The following CHM variants were observed in gnomAD, a reference collection of about 807,000 sequenced individuals.
CHM encodes the protein CHM Rab escort protein.
In CHM, 10 loss-of-function variants were observed where a neutral mutation model predicts 49.0. The observed-to-expected ratio is 0.20, with a 90% CI of 0.13 to 0.35. CHM has a LOEUF of 0.35. CHM is among the 10% of genes least tolerant of loss of function. The pLI is 1.00. For synonymous variants in CHM, 184 were observed against 167.5 expected (o/e 1.10, Z -0.76); for missense variants, 455 against 478.4 (o/e 0.95, Z 0.46).
chrX:85,955,036 A>C (rs988323870), intron 8 of CHM, among the ~76,000 whole-genome samples: 2 of 111,825 alleles, frequency 1.8e-5, no homozygotes, highest in African/African-American at 3.2e-5. Flanking sequence ...TGCGGGAGCT[A>C]AAAATTAAAA....
chrX:85,870,313 C>T (rs1476566506), intron 14 of CHM, among the ~76,000 whole-genome samples: 1 of 111,927 alleles, frequency 8.9e-6, no homozygotes, highest in Non-Finnish European at 1.9e-5. Flanking sequence ...AAATTGCTCG[C>T]TCTCTCTCAA....
In CHM at chrX:85,951,219, A is replaced by G. The variant is rs182838169; in HGVS notation, c.1166+4934T>C. 7.2e-5 allele frequency among the ~76,000 whole-genome samples: 8 copies of G among 111,764 alleles called. No individual in the cohort carries two copies. In the East Asian group the frequency reaches 2.0e-3, roughly 28 times the overall value. On this transcript the variant is annotated intron_variant, in intron 8 of 14. Transcript: ENST00000357749. ...TTGCCAAGGGCAGGGGAGGGGAGAG[A>G]TGATCTAAATATAATCCAGAGAAAG...
chrX:85,959,237 CTTTG>C (rs1930167702), intron 5 of CHM, among the ~76,000 whole-genome samples: 1 of 111,657 alleles, frequency 9.0e-6, no homozygotes, highest in African/African-American at 3.3e-5. Flanking sequence ...GGCACTCTGG[CTTTG>C]TTTGTCCAAA....
Position 85,912,390 on chromosome X carries a change from C to A in CHM, c.1167-1052G>T, listed in dbSNP as rs947625532. Among the ~76,000 whole-genome samples, 7 of 111,348 alleles carry A rather than the reference C, an allele frequency of 6.3e-5. No homozygotes were observed. In the East Asian group the frequency reaches 2.0e-3, roughly 31 times the overall value. On this transcript the variant is annotated intron_variant, in intron 8 of 14. Transcript: ENST00000357749. ...TTATACAACACATGAGGAAACACAT[C>A]TTACTTTGAGTGAGCAGACAAAAGA...
intron 2 of CHM, among the ~76,000 whole-genome samples, chrX:85,998,359 C>T (rs1440374784): frequency 9.0e-6 from 1 of 111,322 alleles, no homozygotes; most frequent in Non-Finnish European, 1.9e-5. Flanking sequence ...GTCCCCCAGA[C>T]AGAACATAAA....
At chrX:85,912,583 C>T (rs1157608114) in intron 8 of CHM, among the ~76,000 whole-genome samples, 2 of 111,661 alleles carry the variant, frequency 1.8e-5, no homozygotes, top group Non-Finnish European at 3.8e-5. Context: ...CATTAAGATG[C>T]TCACATTTTA....
Position 85,963,807 on chromosome X carries a change from C to A in CHM, c.560G>T (p.Cys187Phe). 8.3e-7 allele frequency: 1 copy of A among 1,211,774 alleles called. No homozygotes were observed. Among genetic ancestry groups the A allele is most frequent in the Non-Finnish European group, 1.1e-6 (1 of 895,526 alleles). ...GTCTTCTGCTGAAGTTGATGGCACA[C>A]AAGTTTTATCATCACAATGGTTTTC... ...EKENHCDDKT[C>F]VPSTSAEDMS... Residue 187 changes from cysteine to phenylalanine, a missense_variant, in exon 5 of 15, where the codon TGT (cysteine) becomes TTT (phenylalanine). Transcript: ENST00000357749.
At chrX:85,923,703 C>T (rs1253095592) in intron 8 of CHM, among the ~76,000 whole-genome samples, 2 of 111,202 alleles carry the variant, frequency 1.8e-5, no homozygotes, top group South Asian at 7.5e-4. Flanking sequence ...AGACAACAAA[C>T]AAGAAATAAG....
chrX:85,904,161 T>C (rs540079540), intron 9 of CHM, among the ~76,000 whole-genome samples: 1 of 110,912 alleles, frequency 9.0e-6, no homozygotes, highest in East Asian at 2.8e-4. Context: ...GTCATGAAAA[T>C]ACCCCTCCCA....
At chrX:85,885,948 TA>T (rs1269862589) in intron 12 of CHM, among the ~76,000 whole-genome samples, 4 of 111,855 alleles carry the variant, frequency 3.6e-5, no homozygotes, top group Non-Finnish European at 7.5e-5. Flanking sequence ...TTTAAAAATA[TA>T]AAATTTACAT....
chrX:85,974,362 A>C (rs990781448), intron 4 of CHM, among the ~76,000 whole-genome samples: 1 of 111,986 alleles, frequency 8.9e-6, no homozygotes, highest in African/African-American at 3.2e-5. Flanking sequence ...TCAAAATCTC[A>C]GCAAGATTTT....
At chrX:85,903,904 G>A (rs879204617) in intron 9 of CHM, among the ~76,000 whole-genome samples, 2 of 111,009 alleles carry the variant, frequency 1.8e-5, no homozygotes, top group African/African-American at 6.6e-5. Flanking sequence ...ATAATATCAC[G>A]CTGAAGTACT....
chrX:85,879,160 G>A, intron 12 of CHM, 97 bp from the exon 13 acceptor site: 1 of 607,330 alleles, frequency 1.6e-6, no homozygotes, highest in East Asian at 3.7e-5. Flanking sequence ...AGAGAGCTGA[G>A]CAAGTCATGG....
intron 9 of CHM, among the ~76,000 whole-genome samples, chrX:85,905,803 G>A (rs180923996): frequency 1.8e-5 from 2 of 111,241 alleles, no homozygotes; most frequent in African/African-American, 6.5e-5. Flanking sequence ...GAAGAGAGAT[G>A]AGCCTAGACA....
At chrX:86,005,438 C>T (rs1932831592) in intron 2 of CHM, among the ~76,000 whole-genome samples, 2 of 111,054 alleles carry the variant, frequency 1.8e-5, no homozygotes, top group South Asian at 7.6e-4. Context: ...AGAGACAGAT[C>T]CACAAAAAAC....
chrX:85,925,924 G>A (rs1306869385), intron 8 of CHM, among the ~76,000 whole-genome samples: 2 of 110,693 alleles, frequency 1.8e-5, no homozygotes, highest in African/African-American at 3.3e-5. Context: ...AATGTACAGA[G>A]ACCATCTTCT....
intron 2 of CHM, among the ~76,000 whole-genome samples, chrX:86,013,344 C>A (rs988141411): frequency 1.8e-5 from 2 of 111,576 alleles, no homozygotes; most frequent in African/African-American, 6.5e-5. Context: ...GAGGTCCAGG[C>A]GTGGGGATGT....
At chrX:85,984,802 T>G (rs1931819144) in intron 2 of CHM, among the ~76,000 whole-genome samples, 1 of 112,290 alleles carries the variant, frequency 8.9e-6, no homozygotes, top group African/African-American at 3.2e-5. Context: ...ACAACATAAA[T>G]GCATCTCAAA....
rs1932010296 is a variant in CHM at position 85,988,130 on chromosome X, C to T, written c.117-6321G>A. Among the ~76,000 whole-genome samples, 3 of 112,046 alleles carry T rather than the reference C, an allele frequency of 2.7e-5. No homozygotes were observed. The South Asian group carries it at 1.1e-3, about 42-fold the overall frequency. ...TCAACAAAATACTTGCAAACGGAAT[C>T]CAGCAGCAAATCAAAAGGCTAATTC... On this transcript the variant is annotated intron_variant, in intron 2 of 14. Coordinates refer to ENST00000357749, the MANE Select transcript of CHM (RefSeq NM_000390.4).
Sources: allele counts gnomAD v4.1 joint callset (sites outside exome capture counted in the v4.1 genomes callset), GRCh38; gene constraint gnomAD v4.1.1; transcripts MANE v1.5; gene names NCBI Gene and HGNC (gene_info 2026-07-23, HGNC 2026-07-21).